The following STK17B variants were observed in gnomAD, a reference collection of about 807,000 sequenced individuals.
STK17B encodes serine/threonine-protein kinase 17B.
STK17B carries 21 observed loss-of-function variants against 42.0 expected under a neutral mutation model. The observed-to-expected ratio is 0.50, with a 90% CI of 0.35 to 0.72. The LOEUF (loss-of-function observed/expected upper bound fraction) is 0.72. STK17B is among the 30% of genes least tolerant of loss of function. The pLI is 0.00. For synonymous variants in STK17B, 143 were observed against 148.4 expected (o/e 0.96, Z 0.26); for missense variants, 349 against 446.0 (o/e 0.78, Z 1.96).
At chr2:196,156,412 A>G in intron 3 of STK17B, 27 bp downstream of exon 3, 1 of 1,520,966 alleles carries the variant, frequency 6.6e-7, no homozygotes, top group Non-Finnish European at 9.0e-7. Context: ...TACCAACTAA[A>G]ATAGGTACTA....
At chr2:196,153,459 G>A (rs1699695224) in intron 3 of STK17B, 1 of 152,114 alleles carries the variant, frequency 6.6e-6, no homozygotes, top group Non-Finnish European at 1.5e-5. Context: ...ACTTGAATTG[G>A]AGCTATGAGA....
chr2:196,156,731 C>T, intron 2 of STK17B, 80 bp from the exon 3 acceptor site: 2 of 1,042,174 alleles, frequency 1.9e-6, no homozygotes, highest in East Asian at 4.8e-5. Context: ...GTTATACCTC[C>T]AACTTAAAGT....
At chr2:196,139,923 G>T in intron 6 of STK17B, 124 bp from the exon 7 acceptor site, 1 of 615,166 alleles carries the variant, frequency 1.6e-6, no homozygotes, top group Non-Finnish European at 2.4e-6. Context: ...GATTTACATT[G>T]CTTTTCAAAG....
rs1553622302 is a variant in STK17B, at chr2:196,134,312, A to AGGTCGGGGGC, written c.*3134_*3135insGCCCCCGACC. On this transcript the variant is annotated 3_prime_UTR_variant, in exon 8 of 8. Transcript: ENST00000263955. ...CCAGGCCACGACCGGGCTGCATAGAAGGTGGGGGGCGGTGCCAAGCATTAC... is the reference window on the plus strand; with the variant it reads ...CCAGGCCACGACCGGGCTGCATAGAAGGTCGGGGGCGGTGGGGGGCGGTGCCAAGCATTAC... 5.3e-5 allele frequency: 8 copies of AGGTCGGGGGC among 151,374 alleles called. No individual in the cohort carries two copies. Among genetic ancestry groups the AGGTCGGGGGC allele is most frequent in the African/African-American group, 1.9e-4 (8 of 41,166 alleles). 9.4% of individuals were successfully genotyped at this position (151,374 alleles called of 1,614,324 possible). A position where few individuals can be genotyped will look rare whatever the true frequency, so the allele number is the denominator to read the frequency against.
intron 3 of STK17B, among the ~76,000 whole-genome samples, chr2:196,152,479 C>T (rs183351347): frequency 3.9e-5 from 6 of 152,328 alleles, no homozygotes; most frequent in Non-Finnish European, 8.8e-5. Flanking sequence ...AATAAAACTA[C>T]ATATGCATTT....
upstream of STK17B, among the ~76,000 whole-genome samples, chr2:196,171,853 G>C (rs1168202819): frequency 6.6e-6 from 1 of 151,654 alleles, no homozygotes; most frequent in African/African-American, 2.4e-5. Context: ...GCGCTGCAGA[G>C]GGGGCGCGCG....
upstream of STK17B, among the ~76,000 whole-genome samples, chr2:196,175,830 G>C (rs1453928970): frequency 6.6e-6 from 1 of 152,132 alleles, no homozygotes; most frequent in Non-Finnish European, 1.5e-5. Flanking sequence ...TCCAGTGCTA[G>C]AGACAATCAG....
At chr2:196,157,289 T>G (rs578038406) in intron 2 of STK17B, among the ~76,000 whole-genome samples, 7 of 152,320 alleles carry the variant, frequency 4.6e-5, no homozygotes, top group Non-Finnish European at 1.0e-4. Context: ...TCTCCTGTTC[T>G]TCACACCTCA....
chr2:196,167,614 T>C (rs1056782160), intron 1 of STK17B, among the ~76,000 whole-genome samples: 2 of 152,246 alleles, frequency 1.3e-5, no homozygotes, highest in Admixed American at 6.5e-5. Flanking sequence ...TTTTGTCATA[T>C]ACTATAATGT....
chr2:196,173,461 T>C (rs1386611622), upstream of STK17B, among the ~76,000 whole-genome samples: 2 of 152,202 alleles, frequency 1.3e-5, no homozygotes, highest in African/African-American at 2.4e-5. Context: ...GATGTCAGAT[T>C]TGTTAACTAG....
intron 3 of STK17B, chr2:196,153,403 T>G (rs895795160): frequency 6.6e-6 from 1 of 152,106 alleles, no homozygotes; most frequent in Non-Finnish European, 1.5e-5. Context: ...AGAGGGGAGA[T>G]GCATATATAG....
At position 196,145,798 on chromosome 2, in the gene STK17B, C is replaced by A. The variant is rs145657299; in HGVS notation, c.480+113G>T. The stretch of plus-strand genomic sequence containing the variant: ...TAAGCAAAGAGCACACCAGTGCAGT[C>A]TAGAAGACCAGGAACCAACCATTGT... On this transcript the variant is annotated intron_variant, in intron 4 of 7. Transcript: ENST00000263955. The A allele has an allele frequency of 1.2e-4, 132 of 1,085,230 alleles. 1 individual carries two copies. The East Asian group carries it at 3.5e-3, about 29-fold the overall frequency. 67.2% of individuals were successfully genotyped at this position (1,085,230 alleles called of 1,614,324 possible).
intron 4 of STK17B, among the ~76,000 whole-genome samples, chr2:196,145,539 G>A (rs1012468356): frequency 3.9e-5 from 6 of 152,082 alleles, no homozygotes; most frequent in Admixed American, 6.6e-5. Context: ...AGGATTAGCA[G>A]GATTTATTTT....
chr2:196,163,121 C>T, intron 2 of STK17B, 141 bp downstream of exon 2: 2 of 989,808 alleles, frequency 2.0e-6, no homozygotes, highest in Non-Finnish European at 1.5e-6. Flanking sequence ...TAAGACTGGA[C>T]CCTAGGTAAC....
intron 3 of STK17B, among the ~76,000 whole-genome samples, chr2:196,146,403 C>T (rs1057192217): frequency 2.0e-5 from 3 of 151,982 alleles, no homozygotes; most frequent in African/African-American, 7.2e-5. Context: ...ACTTGGGAAG[C>T]TGAGGCAGGA....
intron 1 of STK17B, 103 bp downstream of exon 1, chr2:196,171,220 GTACCGCCTAA>G (rs1324887434): frequency 6.6e-6 from 1 of 152,284 alleles, no homozygotes; most frequent in Non-Finnish European, 1.5e-5. Flanking sequence ...CAGCCGGACC[GTACCGCCTAA>G]ACCCTCCTCG....
chr2:196,137,143 G>T lies in STK17B; in HGVS notation c.*304C>A. On this transcript the variant is annotated 3_prime_UTR_variant, in exon 8 of 8. Coordinates refer to ENST00000263955, the MANE Select transcript of STK17B (RefSeq NM_004226.4). Reference sequence around the variant, plus strand: ...TAAAACTCAAGCCACTTTTTTTGTTGATATGCAAAACATTCTGGTAAGTTC... The same window carrying T: ...TAAAACTCAAGCCACTTTTTTTGTTTATATGCAAAACATTCTGGTAAGTTC... The T allele has an allele frequency of 3.6e-6, 1 of 281,442 alleles. No homozygotes were observed. Among genetic ancestry groups the T allele is most frequent in the Non-Finnish European group, 6.7e-6 (1 of 150,310 alleles). The allele number at this position is 281,442 out of a possible 1,614,324, so 17.4% of individuals were successfully genotyped here.
intron 2 of STK17B, among the ~76,000 whole-genome samples, chr2:196,158,392 T>A (rs1331884661): frequency 6.6e-6 from 1 of 152,208 alleles, no homozygotes; most frequent in Non-Finnish European, 1.5e-5. Context: ...TATTAATACA[T>A]CAACTAAATA....
At chr2:196,158,284 A>G (rs1699764828) in intron 2 of STK17B, among the ~76,000 whole-genome samples, 1 of 152,194 alleles carries the variant, frequency 6.6e-6, no homozygotes, top group South Asian at 2.1e-4. Flanking sequence ...GATGACAAAG[A>G]GTCCTACTTT....
Sources: allele counts gnomAD v4.1 joint callset (sites outside exome capture counted in the v4.1 genomes callset), GRCh38; gene constraint gnomAD v4.1.1; transcripts MANE v1.5; gene names NCBI Gene and HGNC (gene_info 2026-07-23, HGNC 2026-07-21).